The following UNC13C variants were observed in gnomAD, a reference collection of about 807,000 sequenced individuals.
The protein encoded by UNC13C is unc-13 homolog C.
In UNC13C, 174 loss-of-function variants were observed where a neutral mutation model predicts 245.4. The ratio of observed to expected loss-of-function variants is 0.71; its 90% CI spans 0.63 to 0.80. The LOEUF (loss-of-function observed/expected upper bound fraction) is 0.80. UNC13C is among the 30% of genes least tolerant of loss of function. The pLI is 0.00. For missense variants in UNC13C, 2,829 were observed against 2,602.9 expected (o/e 1.09, Z -1.89); for synonymous variants, 992 against 895.1 (o/e 1.11, Z -1.93).
intron 2 of UNC13C, among the ~76,000 whole-genome samples, chr15:54,031,192 T>C (rs1896342933): frequency 6.6e-6 from 1 of 152,194 alleles, no homozygotes; most frequent in East Asian, 1.9e-4. Context: ...TTTTCTATTA[T>C]CAAATGGAAG....
intron 2 of UNC13C, among the ~76,000 whole-genome samples, chr15:54,098,363 C>T (rs182389653): frequency 1.8e-3 from 271 of 152,032 alleles, no homozygotes; most frequent in African/African-American, 6.1e-3. Flanking sequence ...TTAGTAGAGA[C>T]GAGGTTTCAC....
chr15:54,591,487 G>C (rs1375448023), intron 30 of UNC13C, among the ~76,000 whole-genome samples: 1 of 151,846 alleles, frequency 6.6e-6, no homozygotes. Context: ...GTCTGTTCAG[G>C]GTATCTAATT....
At chr15:54,064,934 T>C (rs1898006897) in intron 2 of UNC13C, among the ~76,000 whole-genome samples, 1 of 152,244 alleles carries the variant, frequency 6.6e-6, no homozygotes, top group African/African-American at 2.4e-5. Context: ...AAGTAAAATA[T>C]GTAAATAAAT....
Position 54,626,907 on chromosome 15 carries a change from C to A in UNC13C, c.6439C>A (p.Arg2147=), listed in dbSNP as rs760050642. 1 of 1,613,214 alleles carries A rather than the reference C, an allele frequency of 6.2e-7. No homozygotes were observed. The highest frequency in any genetic ancestry group is 8.5e-7 in the Non-Finnish European group (1 of 1,179,506). Residue 2147 remains arginine (R), a synonymous_variant, in exon 33 of 33, where the codon CGA becomes AGA. Coordinates refer to ENST00000260323, the MANE Select transcript of UNC13C (RefSeq NM_001080534.3). The stretch of plus-strand genomic sequence containing the variant: ...GGATTACTGCTTTGCCAGAGAAGAT[C>A]GAATTATCGGAATGACAGTCATTCA... ...VKDYCFARED[R]IIGMTVIQLQ...
At chr15:54,420,290 C>A (rs919933135) in intron 19 of UNC13C, among the ~76,000 whole-genome samples, 1 of 151,962 alleles carries the variant, frequency 6.6e-6, no homozygotes, top group Non-Finnish European at 1.5e-5. Flanking sequence ...TGAGTAGTTG[C>A]GGGCTGTCAG....
intron 19 of UNC13C, among the ~76,000 whole-genome samples, chr15:54,477,977 C>A (rs1332801128): frequency 2.0e-5 from 3 of 148,924 alleles, no homozygotes; most frequent in Non-Finnish European, 3.0e-5. Context: ...ATTATTGCCA[C>A]AATTTCAGAT....
Position 54,480,941 on chromosome 15 carries a change from A to C in UNC13C, c.4934-13667A>C, listed in dbSNP as rs149304386. Among the ~76,000 whole-genome samples, 45 of 152,342 alleles carry C rather than the reference A, an allele frequency of 3.0e-4. No homozygotes were observed. The East Asian group carries it at 7.0e-3, about 24-fold the overall frequency. On this transcript the variant is annotated intron_variant, in intron 19 of 32. Coordinates refer to ENST00000260323, the MANE Select transcript of UNC13C (RefSeq NM_001080534.3). ...ATTTCTCAGCAGAGGGGATGTCAGC[A>C]GGGCTTCAGGGATCTATAGATGCAC...
intron 1 of UNC13C, among the ~76,000 whole-genome samples, chr15:54,008,413 C>T (rs575647854): frequency 6.6e-6 from 1 of 152,238 alleles, no homozygotes; most frequent in South Asian, 2.1e-4. Context: ...ATACACAGTG[C>T]TTGGTACATA....
intron 25 of UNC13C, among the ~76,000 whole-genome samples, chr15:54,530,579 C>A (rs1895690824): frequency 6.6e-6 from 1 of 151,992 alleles, no homozygotes; most frequent in Non-Finnish European, 1.5e-5. Flanking sequence ...AAAAAAAGAA[C>A]AATAAGGGAA....
intron 20 of UNC13C, among the ~76,000 whole-genome samples, chr15:54,495,758 T>C (rs28650843): frequency 0.011 from 1,675 of 152,014 alleles, 38 homozygotes; most frequent in African/African-American, 0.038. Flanking sequence ...CATCAGGCAT[T>C]GTGGGAGTTG....
At chr15:54,304,326 T>C (rs2037666431) in intron 13 of UNC13C, among the ~76,000 whole-genome samples, 1 of 152,156 alleles carries the variant, frequency 6.6e-6, no homozygotes, top group African/African-American at 2.4e-5. Flanking sequence ...TTAGGTTTTG[T>C]GATTCATTGA....
chr15:54,014,783 G>C lies in UNC13C; in HGVS notation c.1880G>C (p.Ser627Thr). 5.6e-6 allele frequency: 9 copies of C among 1,613,898 alleles called. No homozygotes were observed. The highest frequency in any genetic ancestry group is 7.6e-6 in the Non-Finnish European group (9 of 1,179,832). ...TETENTETVD[S>T]GMSNGMVCAS... ...ACTGAAAACACAGAAACTGTGGATA[G>C]TGGAATGAGTAATGGCATGGTGTGT... is the stretch of plus-strand genomic sequence containing the variant. The change falls in exon 2 of 33, where the codon AGT (serine) becomes ACT (threonine). Residue 627 changes from serine (S) to threonine (T), a missense_variant. Physicochemically the swap from Ser to Thr is moderately conservative, Grantham distance 58. Transcript: ENST00000260323.
intron 19 of UNC13C, among the ~76,000 whole-genome samples, chr15:54,419,328 C>T (rs1053001934): frequency 6.6e-6 from 1 of 152,118 alleles, no homozygotes; most frequent in African/African-American, 2.4e-5. Flanking sequence ...ACTAAACTAA[C>T]TTCTCAGGCT....
the UNC13C span, among the ~76,000 whole-genome samples, chr15:53,908,196 A>G: frequency 0.045 from 6,604 of 146,438 alleles, 733 homozygotes; most frequent in African/African-American, 0.15. Context: ...AGAAACATGC[A>G]TGTGTCCTTA....
intron 2 of UNC13C, among the ~76,000 whole-genome samples, chr15:54,126,029 G>A (rs1337202160): frequency 6.6e-6 from 1 of 152,014 alleles, no homozygotes; most frequent in Admixed American, 6.6e-5. Flanking sequence ...ACTAAAAAAT[G>A]TTCAAGTAAT....
chr15:54,373,303 C>T (rs1321953787), intron 17 of UNC13C, among the ~76,000 whole-genome samples: 1 of 152,194 alleles, frequency 6.6e-6, no homozygotes, highest in Non-Finnish European at 1.5e-5. Flanking sequence ...GCCAGTGGCA[C>T]CTTTGCCTGA....
the UNC13C span, among the ~76,000 whole-genome samples, chr15:53,838,069 A>T: frequency 1.3e-5 from 2 of 152,144 alleles, no homozygotes; most frequent in African/African-American, 2.4e-5. Context: ...AATTTTTGCT[A>T]AAAAAGTTCT....
Position 54,435,075 on chromosome 15 carries a change from A to G in UNC13C, c.4933+20008A>G, listed in dbSNP as rs185013964. On this transcript the variant is annotated intron_variant, in intron 19 of 32. Transcript: ENST00000260323. The stretch of plus-strand genomic sequence containing the variant: ...GAATGGCAATCATTAAAAAATCAGG[A>G]AACAACAGACGCTGGCGTAGATGTG... Among the ~76,000 whole-genome samples, 17 of 152,266 alleles carry G rather than the reference A, an allele frequency of 1.1e-4. No homozygotes were observed. The East Asian group carries it at 3.1e-3, about 28-fold the overall frequency.
At chr15:53,991,790 A>G (rs980636347) in intron 1 of UNC13C, among the ~76,000 whole-genome samples, 2 of 151,916 alleles carry the variant, frequency 1.3e-5, no homozygotes, top group African/African-American at 4.8e-5. Context: ...CCTAACCTCA[A>G]TTGTTTTTGG....
Sources: allele counts gnomAD v4.1 joint callset (sites outside exome capture counted in the v4.1 genomes callset), GRCh38; gene constraint gnomAD v4.1.1; transcripts MANE v1.5; gene names NCBI Gene and HGNC (gene_info 2026-07-23, HGNC 2026-07-21).